ZNF354B: variants seen among roughly 807,000 people sequenced by gnomAD.
ZNF354B encodes zinc finger protein 354B.
A neutral mutation model predicts 12.9 loss-of-function variants in ZNF354B; 10 were observed. That is an observed-to-expected ratio of 0.77 (90% CI 0.48 to 1.31). The LOEUF is 1.31. ZNF354B is among the 40% of genes most tolerant of loss of function. The pLI is 0.00. For synonymous variants in ZNF354B, 260 were observed against 243.7 expected, an observed-to-expected ratio of 1.07 and a Z score of -0.62; for missense variants, 614 against 711.7, an observed-to-expected ratio of 0.86 and a Z score of 1.56.
At chr5:178,870,519 ATCTG>A (rs1757545830) in intron 4 of ZNF354B, among the ~76,000 whole-genome samples, 1 of 152,190 alleles carries the variant, frequency 6.6e-6, no homozygotes, top group Non-Finnish European at 1.5e-5. Flanking sequence ...ACCTGAAATG[ATCTG>A]TCCCCCTCAG....
chr5:178,876,915 ATTTTTTTATGCCTT>A (rs1466706082), intron 4 of ZNF354B, among the ~76,000 whole-genome samples: 1 of 129,732 alleles, frequency 7.7e-6, no homozygotes, highest in Non-Finnish European at 1.6e-5. Flanking sequence ...ATACTTTCCT[ATTTTTTTATGCCTT>A]TTTTTTTTTT....
intron 4 of ZNF354B, among the ~76,000 whole-genome samples, chr5:178,874,623 A>G (rs1004928162): frequency 4.6e-5 from 7 of 152,038 alleles, no homozygotes; most frequent in Admixed American, 1.3e-4. Flanking sequence ...CATTTTGTCT[A>G]TCACCTCCTC....
rs1311436927 is a variant in ZNF354B, at chr5:178,862,434, T to C, written c.33+1354T>C. On this transcript the variant is annotated intron_variant, in intron 2 of 4. Transcript: ENST00000322434. ...CAGGCTGGAGTGCAGTGGCGCGATC[T>C]CGGCTCACTGCAACCTCCGCCTCCC... is the stretch of plus-strand genomic sequence containing the variant. 8.3e-5 allele frequency among the ~76,000 whole-genome samples: 12 copies of C among 145,186 alleles called. No homozygotes were observed. In the Admixed American group the frequency reaches 8.5e-4, roughly 10 times the overall value.
Position 178,884,170 on chromosome 5 carries a change from C to T in ZNF354B, c.1718C>T (p.Thr573Ile), listed in dbSNP as rs144854572. Residue 573 changes from threonine (T) to isoleucine (I), a missense_variant, in exon 5 of 5, where the codon ACT (threonine) becomes ATT (isoleucine). Coordinates refer to ENST00000322434, the MANE Select transcript of ZNF354B (RefSeq NM_058230.3). ...CTTATTGCACATCAAAGAATTCATACTGGAGAGAAACCCTATGAATGTAAT... is the reference window on the plus strand; with the variant it reads ...CTTATTGCACATCAAAGAATTCATATTGGAGAGAAACCCTATGAATGTAAT... ...SSLIAHQRIH[T>I]GEKPYECNAC... 2 of 1,614,026 alleles carry T rather than the reference C, an allele frequency of 1.2e-6. No homozygotes were observed. The highest frequency in any genetic ancestry group is 1.3e-5 in the African/African-American group (1 of 75,018).
At chr5:178,868,341 A>T (rs2114012371) in intron 4 of ZNF354B, among the ~76,000 whole-genome samples, 1 of 147,204 alleles carries the variant, frequency 6.8e-6, no homozygotes, top group Non-Finnish European at 1.5e-5. Flanking sequence ...ATCAGAGGAG[A>T]GAAACGGGGA....
At chr5:178,873,569 A>G (rs1757593051) in intron 4 of ZNF354B, among the ~76,000 whole-genome samples, 1 of 150,012 alleles carries the variant, frequency 6.7e-6, no homozygotes, top group Non-Finnish European at 1.5e-5. Context: ...GCCTTTGTCA[A>G]AAGTCACTTG....
At chr5:178,867,376 G>A (rs1275002183) in intron 4 of ZNF354B, among the ~76,000 whole-genome samples, 3 of 152,188 alleles carry the variant, frequency 2.0e-5, no homozygotes, top group Non-Finnish European at 4.4e-5. Flanking sequence ...GAAGCTCAGG[G>A]TGTATTTGGG....
rs754025350 is a variant in ZNF354B, at chr5:178,883,524, G to GA, written c.1074dup (p.Cys359MetfsTer6). On this transcript the variant is annotated frameshift_variant, in exon 5 of 5. Transcript: ENST00000322434. LOFTEE classifies it high-confidence loss of function. ...CAGAAAGAAGTCCTACTTATGTAAT[G>GA]AATGTGGCAACACCTTTAAGTCTAG... is the stretch of plus-strand genomic sequence containing the variant. 1.2e-6 allele frequency: 2 copies of GA among 1,613,964 alleles called. No homozygotes were observed. Among genetic ancestry groups the GA allele is most frequent in the Non-Finnish European group, 8.5e-7 (1 of 1,179,980 alleles).
intron 2 of ZNF354B, among the ~76,000 whole-genome samples, chr5:178,865,699 T>C (rs529044873): frequency 1.3e-5 from 2 of 152,242 alleles, no homozygotes; most frequent in Non-Finnish European, 2.9e-5. Flanking sequence ...TACAAAGCTC[T>C]AAATATAGTG....
At chr5:178,872,638 G>T (rs1035232502) in intron 4 of ZNF354B, among the ~76,000 whole-genome samples, 1 of 152,096 alleles carries the variant, frequency 6.6e-6, no homozygotes, top group Non-Finnish European at 1.5e-5. Flanking sequence ...TTACATCCTT[G>T]CCAATATTTT....
intron 4 of ZNF354B, among the ~76,000 whole-genome samples, chr5:178,874,644 C>T (rs927360346): frequency 4.6e-5 from 7 of 152,180 alleles, no homozygotes; most frequent in African/African-American, 1.4e-4. Context: ...TATTATTTTA[C>T]TGTAATCCTT....
rs930181086 is a variant in ZNF354B at position 178,883,873 on chromosome 5, C to G, written c.1421C>G (p.Ala474Gly). Residue 474 changes from alanine (A) to glycine (G), a missense_variant, in exon 5 of 5, where the codon GCC becomes GGC. Coordinates refer to ENST00000322434, the MANE Select transcript of ZNF354B (RefSeq NM_058230.3). The part of the protein sequence containing the change: ...KPCKCKVCGK[A>G]FRQSSALIQH... ...TGTAAATGTAAAGTATGTGGAAAAG[C>G]CTTCAGACAGAGTTCCGCTCTCATT... The G allele has an allele frequency of 2.9e-5, 47 of 1,613,986 alleles. No homozygotes were observed. Among genetic ancestry groups the G allele is most frequent in the Non-Finnish European group, 3.6e-5 (42 of 1,180,008 alleles).
intron 4 of ZNF354B, among the ~76,000 whole-genome samples, chr5:178,873,441 A>G (rs1370389258): frequency 1.3e-5 from 2 of 152,172 alleles, no homozygotes; most frequent in East Asian, 1.9e-4. Flanking sequence ...ATTTATATTC[A>G]TGACACTTTT....
At chr5:178,882,654 G>A in intron 4 of ZNF354B, 55 bp from the exon 5 acceptor site, 1 of 1,495,268 alleles carries the variant, frequency 6.7e-7, no homozygotes, top group South Asian at 1.5e-5. Context: ...TACACATTTA[G>A]TCTCAGCCAA....
At chr5:178,873,961 T>C (rs975368079) in intron 4 of ZNF354B, among the ~76,000 whole-genome samples, 2 of 150,930 alleles carry the variant, frequency 1.3e-5, no homozygotes, top group African/African-American at 4.9e-5. Context: ...TTTCTTTTTT[T>C]TTTTTTGAGA....
intron 4 of ZNF354B, among the ~76,000 whole-genome samples, chr5:178,870,489 A>C (rs1350012512): frequency 2.6e-5 from 4 of 152,220 alleles, no homozygotes; most frequent in Admixed American, 1.3e-4. Context: ...CATGTTGGCC[A>C]GGCTGGTCTC....
At chr5:178,868,971 C>CAA (rs374983108) in intron 4 of ZNF354B, among the ~76,000 whole-genome samples, 133 of 96,218 alleles carry the variant, frequency 1.4e-3, no homozygotes, top group African/African-American at 4.4e-3. Flanking sequence ...GACTCCAACT[C>CAA]AAAAAAAAAA....
chr5:178,864,874 C>T (rs1483216910), intron 2 of ZNF354B, among the ~76,000 whole-genome samples: 5 of 152,104 alleles, frequency 3.3e-5, no homozygotes, highest in Admixed American at 1.3e-4. Flanking sequence ...CCACCCGCCT[C>T]GGCCTCCCAA....
At chr5:178,876,995 G>A (rs924091689) in intron 4 of ZNF354B, among the ~76,000 whole-genome samples, 4 of 150,746 alleles carry the variant, frequency 2.7e-5, no homozygotes, top group African/African-American at 9.8e-5. Context: ...AAGATTTGCT[G>A]GGTTTTGTTT....
Sources: gnomAD v4.1 joint callset for allele counts (sites outside exome capture counted in the v4.1 genomes callset) on GRCh38, gnomAD v4.1.1 for gene constraint, MANE v1.5 for transcripts, NCBI Gene and HGNC (gene_info 2026-07-23, HGNC 2026-07-21) for gene names.